Variants in IAH1 observed in about 807,000 individuals in gnomAD.
IAH1 encodes the protein isoamyl acetate-hydrolyzing esterase 1 homolog.
IAH1 carries 24 observed loss-of-function variants against 26.7 expected under a neutral mutation model. That is an observed-to-expected ratio of 0.90 (90% CI 0.65 to 1.26). The LOEUF (loss-of-function observed/expected upper bound fraction) is 1.26, where lower values mean the gene tolerates loss of function less well. Ranked by LOEUF, IAH1 falls within the 50% of genes most tolerant of loss-of-function variation. The pLI is 0.00. For synonymous variants in IAH1, 140 were observed against 118.5 expected (o/e 1.18, Z -1.18); for missense variants, 300 against 299.9 (o/e 1.00, Z 0.00).
rs1020335054 is a variant in IAH1, at chr2:9,474,840, G to A, written c.81+193G>A. 7.7e-6 allele frequency: 4 copies of A among 521,242 alleles called. No homozygotes were observed. The highest frequency in any genetic ancestry group is 2.0e-5 in the African/African-American group (1 of 48,882). The allele number at this position is 521,242 out of a possible 1,614,324, so 32.3% of individuals were successfully genotyped here. A position where few individuals can be genotyped will look rare whatever the true frequency, so the allele number is the denominator to read the frequency against. ...CCTTCCGGGCCCGCGGCGTCCCGGA[G>A]GTCACGACGGCGTCCGCGAGAGCCC... On this transcript the variant is annotated intron_variant, in intron 1 of 5. Transcript: ENST00000497473. The surrounding 1 kb of genome is among the most constrained non-coding windows in gnomAD (Gnocchi z 4.3).
chr2:9,492,401 C>CT (rs1662230817), downstream of IAH1, among the ~76,000 whole-genome samples: 1 of 152,212 alleles, frequency 6.6e-6, no homozygotes, highest in Non-Finnish European at 1.5e-5. Flanking sequence ...ACTGCTTACT[C>CT]TTATTTTTTG....
intron 2 of IAH1, among the ~76,000 whole-genome samples, chr2:9,477,886 A>G (rs1660915579): frequency 6.6e-6 from 1 of 152,216 alleles, no homozygotes; most frequent in Non-Finnish European, 1.5e-5. Context: ...TACCTGAGAT[A>G]CTTGCTCAGA....
intron 4 of IAH1, 128 bp from the exon 5 acceptor site, chr2:9,484,304 C>T (rs1180417147): frequency 1.3e-5 from 10 of 748,122 alleles, no homozygotes; most frequent in South Asian, 3.2e-5. Context: ...CCCTAAACCC[C>T]GGGGCTGGCC....
At chr2:9,492,984 T>G, downstream of IAH1, 1 of 1,609,310 alleles carries the variant, frequency 6.2e-7, no homozygotes, top group Non-Finnish European at 8.5e-7. Context: ...GCTAAAAACT[T>G]TCCTGTGAAC....
At chr2:9,491,121 G>C, downstream of IAH1, 2 of 1,613,246 alleles carry the variant, frequency 1.2e-6, no homozygotes, top group Non-Finnish European at 1.7e-6. Flanking sequence ...AACAGAGACA[G>C]AGATTCATAC....
chr2:9,484,634 A>T (rs956559626), intron 5 of IAH1, 84 bp downstream of exon 5: 1 of 896,486 alleles, frequency 1.1e-6, no homozygotes, highest in Non-Finnish European at 1.8e-6. Flanking sequence ...TTTCCCTAGA[A>T]AGGCCCTGCT....
At chr2:9,478,171 C>G (rs371787331) in intron 2 of IAH1, 51 bp from the exon 3 acceptor site, 1 of 1,534,484 alleles carries the variant, frequency 6.5e-7, no homozygotes. Flanking sequence ...GTTACTGCGA[C>G]CATAAACACT....
At chr2:9,481,074 T>TA (rs1661139399) in intron 3 of IAH1, among the ~76,000 whole-genome samples, 2 of 152,224 alleles carry the variant, frequency 1.3e-5, no homozygotes, top group African/African-American at 4.8e-5. Context: ...CAAGAGTACT[T>TA]ACGGTGCCCC....
the IAH1 span, among the ~76,000 whole-genome samples, chr2:9,504,126 G>A: frequency 6.6e-6 from 1 of 152,050 alleles, no homozygotes; most frequent in Non-Finnish European, 1.5e-5. Flanking sequence ...ACTCCATCTT[G>A]GGCAACAGAC....
At chr2:9,504,527 G>A in the IAH1 span, among the ~76,000 whole-genome samples, 3 of 152,020 alleles carry the variant, frequency 2.0e-5, no homozygotes, top group Admixed American at 2.0e-4. Context: ...AGCACTTTGG[G>A]AGGCCAAGGT....
At chr2:9,476,862 T>C (rs1169500042) in intron 2 of IAH1, among the ~76,000 whole-genome samples, 1 of 152,206 alleles carries the variant, frequency 6.6e-6, no homozygotes. Flanking sequence ...CCTGGATGTA[T>C]ACGTGCAGGT....
rs749978625 is a variant in IAH1, at chr2:9,481,329, G to A, written c.327G>A (p.Ala109=). ...KQHIPLEEYA[A]NLKSMVQYLK... is the part of the protein sequence containing the mutation. ...ACATTCCCCTGGAGGAGTACGCTGC[G>A]AACCTAAAGAGCATGGTGCAGTACC... Residue 109 remains alanine (A), a synonymous_variant, in exon 4 of 6, where the codon GCG becomes GCA. Transcript: ENST00000497473. 1.4e-5 allele frequency: 23 copies of A among 1,614,022 alleles called. No individual in the cohort carries two copies. The highest frequency in any genetic ancestry group is 1.6e-4 in the Middle Eastern group (1 of 6,084).
rs557210266 is a variant in IAH1, at chr2:9,479,966, G to A, written c.284-1320G>A. On this transcript the variant is annotated intron_variant, in intron 3 of 5. Transcript: ENST00000497473. Reference sequence around the variant, plus strand: ...TGGGATTATAGGCGCTCGCCACCACGCCTGGCTAATTTTTGTATTTTTAGT... The same window carrying A: ...TGGGATTATAGGCGCTCGCCACCACACCTGGCTAATTTTTGTATTTTTAGT... Among the ~76,000 whole-genome samples, 12 of 151,642 alleles carry A rather than the reference G, an allele frequency of 7.9e-5. No homozygotes were observed. The East Asian group carries it at 1.9e-3, about 25-fold the overall frequency.
chr2:9,511,235 G>A, the IAH1 span, among the ~76,000 whole-genome samples: 1 of 152,158 alleles, frequency 6.6e-6, no homozygotes, highest in African/African-American at 2.4e-5. Context: ...GATCGCCTGA[G>A]GTCAGGAGTT....
intron 5 of IAH1, chr2:9,485,048 A>G (rs1661396300): frequency 6.4e-6 from 1 of 155,102 alleles, no homozygotes. Context: ...GCAGTCACAC[A>G]TACACTTAGG....
the IAH1 span, among the ~76,000 whole-genome samples, chr2:9,509,164 T>C: frequency 1.3e-5 from 2 of 152,212 alleles, no homozygotes; most frequent in African/African-American, 4.8e-5. Flanking sequence ...GGACAAATAC[T>C]TCACAATCTT....
In IAH1 at chr2:9,487,832, G is replaced by A. The variant is rs559780298; in HGVS notation, c.565-315G>A. On this transcript the variant is annotated intron_variant, in intron 5 of 5. Transcript: ENST00000497473. The stretch of plus-strand genomic sequence containing the variant: ...TGTGTGTGTGTGTGTGTGTGTGTGT[G>A]TGCGCGCGCGCGCGCGCGCTGTGGG... Among the ~76,000 whole-genome samples the A allele has an allele frequency of 7.1e-5, 4 of 56,004 alleles. No homozygotes were observed. The East Asian group carries it at 1.0e-3, about 14-fold the overall frequency. The allele number at this position is 56,004 out of a possible 152,430, so 36.7% of individuals were successfully genotyped here.
chr2:9,492,214 G>A (rs1425907414), downstream of IAH1, among the ~76,000 whole-genome samples: 2 of 152,222 alleles, frequency 1.3e-5, no homozygotes, highest in African/African-American at 4.8e-5. Context: ...CTGGAAGCCT[G>A]GGTGTGACTT....
chr2:9,483,687 C>T (rs1661311450), intron 4 of IAH1, among the ~76,000 whole-genome samples: 1 of 152,154 alleles, frequency 6.6e-6, no homozygotes, highest in Non-Finnish European at 1.5e-5. Flanking sequence ...ACCTTCCAAA[C>T]CAACCTAGCA....
Sources: allele counts gnomAD v4.1 joint callset (sites outside exome capture counted in the v4.1 genomes callset), GRCh38; gene constraint gnomAD v4.1.1; non-coding constraint Gnocchi (gnomAD v3.1); transcripts MANE v1.5; gene names NCBI Gene and HGNC (gene_info 2026-07-23, HGNC 2026-07-21).